Variants in WDPCP observed in about 807,000 individuals in gnomAD.
The protein encoded by WDPCP is WD repeat containing planar cell polarity effector, also known as WD repeat-containing and planar cell polarity effector protein fritz homolog.
Under a neutral mutation model 93.1 loss-of-function variants are expected in WDPCP, and 71 were observed. The ratio of observed to expected loss-of-function variants is 0.76; its 90% CI spans 0.63 to 0.93. WDPCP has a LOEUF of 0.93. Ranked by LOEUF, WDPCP falls within the 40% of genes least tolerant of loss-of-function variation. The probability of loss-of-function intolerance (pLI) is 0.00; values close to 1 mark genes in which losing one functional copy is unlikely to be tolerated. For synonymous variants in WDPCP, 315 were observed against 315.0 expected, an observed-to-expected ratio of 1.00 and a Z score of 0.00; for missense variants, 844 against 887.4, an observed-to-expected ratio of 0.95 and a Z score of 0.62.
rs72898337 is a variant in WDPCP, at chr2:63,348,507, A to C, written c.1748+29879T>G. On this transcript the variant is annotated intron_variant, in intron 12 of 17. Coordinates refer to ENST00000272321, the MANE Select transcript of WDPCP (RefSeq NM_015910.7). Reference sequence around the variant, plus strand: ...TTGTTGGTGTTATATTTCTAAAGACATTATTTCTAAGACTTTTTTCTGACA... The same window carrying C: ...TTGTTGGTGTTATATTTCTAAAGACCTTATTTCTAAGACTTTTTTCTGACA... Among the ~76,000 whole-genome samples the C allele has an allele frequency of 4.9e-3, 748 of 152,268 alleles. 6 individuals are homozygous for C. The highest frequency in any genetic ancestry group is 0.017 in the African/African-American group (714 of 41,554).
intron 3 of WDPCP, among the ~76,000 whole-genome samples, chr2:63,629,165 T>C (rs937834232): frequency 1.3e-5 from 2 of 152,066 alleles, no homozygotes; most frequent in Non-Finnish European, 2.9e-5. Context: ...AAAAAGCCCA[T>C]CATAAGTCTG....
At position 63,492,955 on chromosome 2, in the gene WDPCP, A is replaced by T. The variant is rs200557033; in HGVS notation, c.76-15T>A. The stretch of plus-strand genomic sequence containing the variant: ...GAATCTCTATCCTGTTTAAAAAATA[A>T]TTAAAAAGAGGTGCCAATTAATTAT... On this transcript the variant is annotated splice_polypyrimidine_tract_variant and intron_variant, in intron 1 of 17. Transcript: ENST00000272321. 2,846 of 1,609,200 alleles carry T rather than the reference A, an allele frequency of 1.8e-3. 68 individuals are homozygous for T. In the South Asian group the frequency reaches 0.028, roughly 16 times the overall value.
chr2:63,235,407 T>G (rs555650608), intron 14 of WDPCP, among the ~76,000 whole-genome samples: 1 of 152,270 alleles, frequency 6.6e-6, no homozygotes, highest in Non-Finnish European at 1.5e-5. Context: ...ACAGGTGAAT[T>G]AAACCAGATG....
Position 63,552,987 on chromosome 2 carries a change from T to C in WDPCP, c.75+35210A>G, listed in dbSNP as rs1265538875. Among the ~76,000 whole-genome samples the C allele has an allele frequency of 2.0e-5, 3 of 152,228 alleles. No homozygotes were observed. In the East Asian group the frequency reaches 5.8e-4, roughly 29 times the overall value. ...GGTTACCACTAAACTACAGAAGGCC[T>C]TGCATGCCAAACTAAGAATTATGAA... On this transcript the variant is annotated intron_variant, in intron 1 of 17. Transcript: ENST00000272321.
chr2:63,840,022 A>G, the WDPCP span, among the ~76,000 whole-genome samples: 1 of 152,370 alleles, frequency 6.6e-6, no homozygotes, highest in Admixed American at 6.5e-5. Context: ...ACAATGAGTC[A>G]TTAAAAAATT....
intron 3 of WDPCP, among the ~76,000 whole-genome samples, chr2:63,601,741 G>C (rs534517044): frequency 6.6e-6 from 1 of 152,270 alleles, no homozygotes; most frequent in Admixed American, 6.5e-5. Context: ...GACTGAGGGT[G>C]GAGAGGCCTA....
chr2:63,515,625 T>C (rs886293777), intron 1 of WDPCP, among the ~76,000 whole-genome samples: 1 of 152,248 alleles, frequency 6.6e-6, no homozygotes, highest in Non-Finnish European at 1.5e-5. Context: ...AAACTTTTAA[T>C]GTTACCATTT....
At chr2:63,631,808 C>G (rs867335688) in intron 3 of WDPCP, among the ~76,000 whole-genome samples, 3 of 152,318 alleles carry the variant, frequency 2.0e-5, no homozygotes, top group Middle Eastern at 3.4e-3. Flanking sequence ...AGGACTCCAG[C>G]AACCTTTGCT....
At chr2:63,166,939 G>A (rs369765521) in intron 15 of WDPCP, among the ~76,000 whole-genome samples, 7 of 150,796 alleles carry the variant, frequency 4.6e-5, no homozygotes, top group East Asian at 1.9e-4. Context: ...CATCCCCACC[G>A]CCATCAATTA....
chr2:63,429,703 G>T lies in WDPCP; in HGVS notation c.825+4042C>A, dbSNP rs570984596. Among the ~76,000 whole-genome samples, 5 of 152,150 alleles carry T rather than the reference G, an allele frequency of 3.3e-5. No individual in the cohort carries two copies. The South Asian group carries it at 1.0e-3, about 32-fold the overall frequency. ...AAAAATAACAGAAATTGGTGACGCT[G>T]CAGAAAAAAAGGGATACTTACACAC... is the stretch of plus-strand genomic sequence containing the variant. On this transcript the variant is annotated intron_variant, in intron 9 of 17. Transcript: ENST00000272321.
At chr2:63,634,743 C>A (rs181412808) in intron 3 of WDPCP, among the ~76,000 whole-genome samples, 1 of 152,190 alleles carries the variant, frequency 6.6e-6, no homozygotes, top group Admixed American at 6.5e-5. Context: ...TTAAAAATAT[C>A]TTGAGTCAAA....
intron 1 of WDPCP, among the ~76,000 whole-genome samples, chr2:63,509,290 C>T (rs541711723): frequency 5.9e-5 from 9 of 152,190 alleles, no homozygotes; most frequent in East Asian, 5.8e-4. Context: ...CACTCAAAAC[C>T]GCACAACTAC....
chr2:63,622,576 C>T, intron 3 of WDPCP: 1 of 1,613,904 alleles, frequency 6.2e-7, no homozygotes, highest in Non-Finnish European at 8.5e-7. Flanking sequence ...TGTGGGTCCA[C>T]AATAGAGTCC....
intron 1 of WDPCP, among the ~76,000 whole-genome samples, chr2:63,814,448 T>C (rs1184187841): frequency 1.3e-5 from 2 of 152,154 alleles, no homozygotes; most frequent in Non-Finnish European, 2.9e-5. Flanking sequence ...CTTGTGACTA[T>C]GAAGAGAAGG....
At chr2:63,531,049 C>T (rs902208422) in intron 1 of WDPCP, among the ~76,000 whole-genome samples, 2 of 152,266 alleles carry the variant, frequency 1.3e-5, no homozygotes, top group African/African-American at 4.8e-5. Context: ...TATCCCACGC[C>T]TGGCTCGCCA....
At chr2:63,194,456 T>A (rs1559191214) in intron 14 of WDPCP, among the ~76,000 whole-genome samples, 1 of 152,210 alleles carries the variant, frequency 6.6e-6, no homozygotes, top group Admixed American at 6.5e-5. Flanking sequence ...CCTTCCTGTG[T>A]AAGAAATACC....
At chr2:63,137,049 T>C (rs1670672428) in intron 17 of WDPCP, among the ~76,000 whole-genome samples, 1 of 152,188 alleles carries the variant, frequency 6.6e-6, no homozygotes, top group African/African-American at 2.4e-5. Flanking sequence ...AACAGAATGA[T>C]CTATATTTCT....
At chr2:63,761,145 T>A (rs542876048) in intron 2 of WDPCP, among the ~76,000 whole-genome samples, 6 of 152,234 alleles carry the variant, frequency 3.9e-5, no homozygotes, top group African/African-American at 1.4e-4. Context: ...AAGAGGTGAT[T>A]AGGTAATGAG....
intron 1 of WDPCP, among the ~76,000 whole-genome samples, chr2:63,556,212 T>C (rs1706108478): frequency 6.6e-6 from 1 of 152,158 alleles, no homozygotes; most frequent in Non-Finnish European, 1.5e-5. Flanking sequence ...CTACAAGTAT[T>C]AACAGCCAAA....
Sources: allele counts gnomAD v4.1 joint callset (sites outside exome capture counted in the v4.1 genomes callset), GRCh38; gene constraint gnomAD v4.1.1; transcripts MANE v1.5; gene names NCBI Gene and HGNC (gene_info 2026-07-23, HGNC 2026-07-21).